The following XRRA1 variants were observed in gnomAD, a reference collection of about 807,000 sequenced individuals.
XRRA1 encodes the protein X-ray radiation resistance associated 1.
A neutral mutation model predicts 80.2 loss-of-function variants in XRRA1; 69 were observed. The observed-to-expected ratio is 0.86, with a 90% CI of 0.71 to 1.05. XRRA1 has a LOEUF of 1.05. Among genes scored for constraint, XRRA1 ranks in the 50% least tolerant of loss-of-function variants. XRRA1 has a pLI of 0.00. For missense variants in XRRA1, 967 were observed against 976.4 expected, an observed-to-expected ratio of 0.99 and a Z score of 0.13; for synonymous variants, 348 against 389.9, an observed-to-expected ratio of 0.89 and a Z score of 1.27.
intron 11 of XRRA1, among the ~76,000 whole-genome samples, chr11:74,859,592 C>G (rs543965675): frequency 6.6e-6 from 1 of 152,110 alleles, no homozygotes; most frequent in Admixed American, 6.5e-5. Context: ...GGTCCCCACC[C>G]CCTCCCTCTA....
At chr11:74,922,832 G>C (rs184708775) in intron 7 of XRRA1, among the ~76,000 whole-genome samples, 1 of 152,198 alleles carries the variant, frequency 6.6e-6, no homozygotes, top group East Asian at 1.9e-4. Flanking sequence ...AGAAATAAGT[G>C]GTTCTTATGT....
In XRRA1 at chr11:74,883,626, T is replaced by A. The variant is rs868716180; in HGVS notation, c.1004-20605A>T. Among the ~76,000 whole-genome samples, 3 of 152,204 alleles carry A rather than the reference T, an allele frequency of 2.0e-5. No homozygotes were observed. In the South Asian group the frequency reaches 6.2e-4, roughly 32 times the overall value. Reference sequence around the variant, plus strand: ...TGCCTAGAAGCTATTAAACTCCAAATGGTGCTGCAGATGGAACCACACATG... The same window carrying A: ...TGCCTAGAAGCTATTAAACTCCAAAAGGTGCTGCAGATGGAACCACACATG... On this transcript the variant is annotated intron_variant, in intron 10 of 18. Coordinates refer to ENST00000684022, the MANE Select transcript of XRRA1 (RefSeq NM_001378157.1).
intron 10 of XRRA1, among the ~76,000 whole-genome samples, chr11:74,873,156 C>A (rs2045262191): frequency 6.6e-6 from 1 of 152,170 alleles, no homozygotes; most frequent in Admixed American, 6.5e-5. Flanking sequence ...GATCCCACTG[C>A]TTTTCTTAAC....
At chr11:74,850,092 C>T (rs998958707) in intron 14 of XRRA1, among the ~76,000 whole-genome samples, 4 of 152,182 alleles carry the variant, frequency 2.6e-5, no homozygotes, top group African/African-American at 7.2e-5. Context: ...TTATTTAACT[C>T]ATTTAGCTCA....
chr11:74,854,870 AAACAAC>A (rs200157502), intron 12 of XRRA1, among the ~76,000 whole-genome samples: 1 of 151,922 alleles, frequency 6.6e-6, no homozygotes, highest in Non-Finnish European at 1.5e-5. Flanking sequence ...AAAAAATACA[AAACAAC>A]AACAACAACA....
chr11:74,844,115 A>G, intron 17 of XRRA1, 53 bp downstream of exon 17: 14 of 1,544,894 alleles, frequency 9.1e-6, no homozygotes, highest in Non-Finnish European at 1.2e-5. Context: ...CACATCTGTA[A>G]TTGTGGGCGG....
At chr11:74,923,511 TTCTA>T (rs2139067856) in intron 7 of XRRA1, among the ~76,000 whole-genome samples, 1 of 152,336 alleles carries the variant, frequency 6.6e-6, no homozygotes, top group South Asian at 2.1e-4. Flanking sequence ...AGCCTATGGA[TTCTA>T]TCTACCTCCT....
chr11:74,930,333 A>T lies in XRRA1; in HGVS notation c.391T>A (p.Tyr131Asn). ...AGCAGGTTTTCTGAGGCATTGATAT[A>T]AATCACAGAATGAAAATGCTTGAAG... is the stretch of plus-strand genomic sequence containing the variant. Reference protein sequence around the residue: ...NDFKHFHSVIYINASENLLPL... With the variant: ...NDFKHFHSVININASENLLPL... The change falls in exon 6 of 19, where the codon TAT becomes AAT. Residue 131 changes from tyrosine to asparagine, a missense_variant. Coordinates refer to ENST00000684022, the MANE Select transcript of XRRA1 (RefSeq NM_001378157.1). 6.4e-7 allele frequency: 1 copy of T among 1,570,336 alleles called. No individual in the cohort carries two copies. Among genetic ancestry groups the T allele is most frequent in the Non-Finnish European group, 8.6e-7 (1 of 1,156,198 alleles).
chr11:74,869,228 G>C (rs972641120), intron 10 of XRRA1, among the ~76,000 whole-genome samples: 1 of 152,032 alleles, frequency 6.6e-6, no homozygotes, highest in Non-Finnish European at 1.5e-5. Context: ...AAATAAACCT[G>C]CTCCTGAATG....
intron 8 of XRRA1, among the ~76,000 whole-genome samples, chr11:74,915,180 A>G (rs1157832912): frequency 6.6e-6 from 1 of 152,214 alleles, no homozygotes; most frequent in Non-Finnish European, 1.5e-5. Context: ...GGTCAGAGAG[A>G]TAGCCAGAAA....
Position 74,921,155 on chromosome 11 carries a change from T to C in XRRA1, c.656+59A>G, listed in dbSNP as rs1940637793. The C allele has an allele frequency of 1.1e-5, 17 of 1,594,556 alleles. No individual in the cohort carries two copies. In the African/African-American group the frequency reaches 1.6e-4, roughly 15 times the overall value. On this transcript the variant is annotated intron_variant, in intron 8 of 18. Transcript: ENST00000684022. ...TATGGCACTTCAAGCTGCTATGGGCTATTTCCTTGGATATTTGTACACAAA... is the reference window on the plus strand; with the variant it reads ...TATGGCACTTCAAGCTGCTATGGGCCATTTCCTTGGATATTTGTACACAAA...
At chr11:74,847,231 T>A (rs1374201537) in intron 15 of XRRA1, among the ~76,000 whole-genome samples, 3 of 152,192 alleles carry the variant, frequency 2.0e-5, no homozygotes, top group Non-Finnish European at 2.9e-5. Flanking sequence ...AAGTCATCTG[T>A]GGAAAAAGAA....
At chr11:74,858,922 C>G (rs146432309) in intron 12 of XRRA1, among the ~76,000 whole-genome samples, 79 of 152,314 alleles carry the variant, frequency 5.2e-4, no homozygotes, top group African/African-American at 1.8e-3. Flanking sequence ...AGCTGTATAT[C>G]TAGTGCCTAC....
intron 3 of XRRA1, among the ~76,000 whole-genome samples, chr11:74,939,642 A>G (rs1428499329): frequency 6.6e-6 from 1 of 152,194 alleles, no homozygotes; most frequent in Non-Finnish European, 1.5e-5. Context: ...CTATTTCTCC[A>G]AGAAGCCCAT....
In XRRA1 at chr11:74,842,909, G is replaced by A. The variant is rs759135138; in HGVS notation, c.*291C>T. 105 of 397,550 alleles carry A rather than the reference G, an allele frequency of 2.6e-4. No homozygotes were observed. The highest frequency in any genetic ancestry group is 4.9e-4 in the Admixed American group (12 of 24,540). 24.6% of individuals were successfully genotyped at this position (397,550 alleles called of 1,614,324 possible). On this transcript the variant is annotated 3_prime_UTR_variant, in exon 19 of 19. Coordinates refer to ENST00000684022, the MANE Select transcript of XRRA1 (RefSeq NM_001378157.1). ...ACTGGAAAACCATTTTTAGAGGGAA[G>A]TGTGACAATGCTGCTGTGGCCTGGG...
chr11:74,852,716 C>T (rs1226729237), intron 12 of XRRA1, among the ~76,000 whole-genome samples: 1 of 152,198 alleles, frequency 6.6e-6, no homozygotes, highest in Admixed American at 6.5e-5. Flanking sequence ...ATTGGCCAAG[C>T]CAGCCTCTGA....
At chr11:74,891,736 C>T (rs2050760094) in intron 10 of XRRA1, among the ~76,000 whole-genome samples, 1 of 152,272 alleles carries the variant, frequency 6.6e-6, no homozygotes, top group South Asian at 2.1e-4. Context: ...GTGCAAAAAT[C>T]ACAAGCATTC....
At chr11:74,861,665 C>T (rs916546469) in intron 11 of XRRA1, among the ~76,000 whole-genome samples, 4 of 152,190 alleles carry the variant, frequency 2.6e-5, no homozygotes, top group African/African-American at 9.7e-5. Context: ...AAACCACCCA[C>T]CCCACCCCAG....
chr11:74,925,679 ATAAAG>A (rs1189668813), intron 7 of XRRA1, among the ~76,000 whole-genome samples: 4 of 152,288 alleles, frequency 2.6e-5, no homozygotes, highest in Non-Finnish European at 5.9e-5. Flanking sequence ...CGATCACACT[ATAAAG>A]TAAAGTAAGG....
Sources: allele counts gnomAD v4.1 joint callset (sites outside exome capture counted in the v4.1 genomes callset), GRCh38; gene constraint gnomAD v4.1.1; transcripts MANE v1.5; gene names NCBI Gene and HGNC (gene_info 2026-07-23, HGNC 2026-07-21).